AHCY: variants seen among roughly 807,000 people sequenced by gnomAD.
AHCY encodes S-adenosyl-L-homocysteine hydrolase.
A neutral mutation model predicts 45.4 loss-of-function variants in AHCY; 24 were observed. That is an observed-to-expected ratio of 0.53 (90% CI 0.38 to 0.74). The LOEUF is 0.74. AHCY is among the 30% of genes least tolerant of loss of function. The probability of loss-of-function intolerance (pLI) is 0.00; values close to 1 mark genes in which losing one functional copy is unlikely to be tolerated. For missense variants in AHCY, 449 were observed against 594.1 expected (o/e 0.76, Z 2.54); for synonymous variants, 245 against 235.1 (o/e 1.04, Z -0.39).
At chr20:34,307,286 C>T (rs1190576741), upstream of AHCY, among the ~76,000 whole-genome samples, 1 of 151,926 alleles carries the variant, frequency 6.6e-6, no homozygotes, top group Non-Finnish European at 1.5e-5. Context: ...GATGGGCTTT[C>T]GCCATGTTGG....
chr20:34,294,117 G>T lies in AHCY; in HGVS notation c.259C>A (p.His87Asn), dbSNP rs1379586959. The T allele has an allele frequency of 6.2e-7, 1 of 1,613,942 alleles. No individual in the cohort carries two copies. Among genetic ancestry groups the T allele is most frequent in the African/African-American group, 1.3e-5 (1 of 75,050 alleles). The part of the protein sequence containing the change: ...SSCNIFSTQD[H>N]AAAAIAKAGI... The stretch of plus-strand genomic sequence containing the variant: ...GCCTTGGCAATGGCAGCCGCCGCAT[G>T]GTCCTGGGTGGAGAAGATGTTGCAG... Residue 87 changes from histidine (H) to asparagine (N), a missense_variant, in exon 3 of 10, where the codon CAT (histidine) becomes AAT (asparagine). Transcript: ENST00000217426.
the AHCY span, chr20:34,268,921 T>TC: frequency 6.5e-7 from 1 of 1,532,224 alleles, no homozygotes; most frequent in Non-Finnish European, 8.8e-7. Flanking sequence ...CCCGAGGAGC[T>TC]CCCAGGCAGA....
intron 1 of AHCY, chr20:34,301,757 C>A: frequency 1.0e-6 from 1 of 957,910 alleles, no homozygotes; most frequent in Non-Finnish European, 1.2e-6. Context: ...CTTCACATAA[C>A]CTTTCTGGGT....
chr20:34,238,235 GT>G, the AHCY span, among the ~76,000 whole-genome samples: 1 of 151,966 alleles, frequency 6.6e-6, no homozygotes, highest in South Asian at 2.1e-4. Context: ...AATATTCTGG[GT>G]TTTTTTCTCT....
At chr20:34,257,577 G>A in the AHCY span, among the ~76,000 whole-genome samples, 3 of 151,956 alleles carry the variant, frequency 2.0e-5, no homozygotes, top group Non-Finnish European at 2.9e-5. Flanking sequence ...ATATTATCTA[G>A]TTTACAAATA....
chr20:34,285,907 T>C, intron 8 of AHCY: 1 of 435,452 alleles, frequency 2.3e-6, no homozygotes, highest in Non-Finnish European at 4.3e-6. Context: ...GAGATTATCT[T>C]GGCCAACACA....
intron 3 of AHCY, among the ~76,000 whole-genome samples, chr20:34,292,831 T>C (rs574059448): frequency 7.9e-5 from 12 of 152,106 alleles, no homozygotes; most frequent in Admixed American, 2.0e-4. Context: ...GCCCCAGATA[T>C]AGATATCAGG....
At chr20:34,269,027 A>C in the AHCY span, 1 of 1,606,796 alleles carries the variant, frequency 6.2e-7, no homozygotes. Flanking sequence ...GCGGCCCCGG[A>C]CCCCCCTATC....
chr20:34,302,500 T>G, intron 1 of AHCY: 8 of 695,176 alleles, frequency 1.2e-5, no homozygotes, highest in Non-Finnish European at 1.4e-5. Flanking sequence ...TGCCTCAGGA[T>G]TCTCATCATA....
downstream of AHCY, among the ~76,000 whole-genome samples, chr20:34,279,231 G>A (rs998728379): frequency 2.0e-5 from 3 of 151,242 alleles, no homozygotes; most frequent in Non-Finnish European, 4.4e-5. Context: ...TGGCTAACAT[G>A]GTGAAACCCC....
rs765619065 is a variant in AHCY at position 34,285,650 on chromosome 20, G to A, written c.973-16C>T. On this transcript the variant is annotated splice_polypyrimidine_tract_variant and intron_variant, in intron 8 of 9. Coordinates refer to ENST00000217426, the MANE Select transcript of AHCY (RefSeq NM_000687.4). The stretch of plus-strand genomic sequence containing the variant: ...ACCGGTCCACCTACACGCAGGCAGG[G>A]CAACAGTGAAGGCAGGCAGGGCCCC... 1.9e-6 allele frequency: 3 copies of A among 1,611,548 alleles called. No homozygotes were observed. In the East Asian group the frequency reaches 6.7e-5, roughly 36 times the overall value.
the AHCY span, among the ~76,000 whole-genome samples, chr20:34,261,842 G>A: frequency 6.6e-6 from 1 of 152,094 alleles, no homozygotes; most frequent in Non-Finnish European, 1.5e-5. Flanking sequence ...GCCAGGCGCG[G>A]TGGCTCACAC....
At chr20:34,302,745 G>T (rs542148635) in intron 1 of AHCY, 78 of 990,594 alleles carry the variant, frequency 7.9e-5, no homozygotes, top group Non-Finnish European at 9.2e-5. Flanking sequence ...TCCCAGGGGA[G>T]AGGAGGATCG....
In AHCY at chr20:34,290,358, C is replaced by A; in HGVS notation, c.946G>T (p.Val316Leu). The change falls in exon 8 of 10, where the codon GTG becomes TTG. Residue 316 changes from valine to leucine, a missense_variant. Val to Leu is a conservative substitution (Grantham distance 32). Coordinates refer to ENST00000217426, the MANE Select transcript of AHCY (RefSeq NM_000687.4). The surrounding 1 kb of genome is among the most constrained non-coding windows in gnomAD (Gnocchi z 4.5). ...TGCGGCTTGATGTTCACCTTCTCCA[C>A]GGCGTTCTCGTTGAGCCACTTGACA... ...IDVKWLNENA[V>L]EKVNIKPQVD... 6.2e-7 allele frequency: 1 copy of A among 1,614,146 alleles called. No homozygotes were observed. Among genetic ancestry groups the A allele is most frequent in the Non-Finnish European group, 8.5e-7 (1 of 1,180,036 alleles).
At chr20:34,234,865 T>C in the AHCY span, 1 of 152,220 alleles carries the variant, frequency 6.6e-6, no homozygotes. Context: ...TATGTCATGT[T>C]ATACCCACAG....
downstream of AHCY, among the ~76,000 whole-genome samples, chr20:34,278,148 C>A (rs2035924918): frequency 6.6e-6 from 1 of 152,156 alleles, no homozygotes; most frequent in Non-Finnish European, 1.5e-5. Flanking sequence ...GTCAGTGTCA[C>A]ACATGTGACA....
chr20:34,267,837 C>A, the AHCY span, among the ~76,000 whole-genome samples: 3 of 126,260 alleles, frequency 2.4e-5, no homozygotes, highest in Middle Eastern at 3.6e-3. Flanking sequence ...AGTTGATAAC[C>A]ATATTTAAAA....
chr20:34,252,961 T>C, the AHCY span, among the ~76,000 whole-genome samples: 2 of 152,210 alleles, frequency 1.3e-5, no homozygotes, highest in Admixed American at 1.3e-4. Flanking sequence ...ATACAGCACA[T>C]GTTTCTGTGA....
At position 34,293,994 on chromosome 20, in the gene AHCY, AG is replaced by A. The variant is rs2036488594; in HGVS notation, c.295+86del. Reference sequence around the variant, plus strand: ...GACTCCTCTCCCTTTCTGATATGTAAGGAAGTCTGTTGCTCTAGCAGTCAGT... The same window carrying A: ...GACTCCTCTCCCTTTCTGATATGTAAGAAGTCTGTTGCTCTAGCAGTCAGT... On this transcript the variant is annotated intron_variant, in intron 3 of 9. Transcript: ENST00000217426. The A allele has an allele frequency of 8.8e-6, 12 of 1,359,592 alleles. No homozygotes were observed. In the South Asian group the frequency reaches 1.3e-4, roughly 15 times the overall value. 84.2% of individuals were successfully genotyped at this position (1,359,592 alleles called of 1,614,324 possible). A position where few individuals can be genotyped will look rare whatever the true frequency, so the allele number is the denominator to read the frequency against.
Sources: allele counts gnomAD v4.1 joint callset (sites outside exome capture counted in the v4.1 genomes callset), GRCh38; gene constraint gnomAD v4.1.1; non-coding constraint Gnocchi (gnomAD v3.1); transcripts MANE v1.5; gene names NCBI Gene and HGNC (gene_info 2026-07-23, HGNC 2026-07-21).